The following DCT variants were observed in gnomAD, a reference collection of about 807,000 sequenced individuals.
DCT encodes L-dopachrome tautomerase.
Under a neutral mutation model 53.0 loss-of-function variants are expected in DCT, and 47 were observed. The observed-to-expected ratio is 0.89, with a 90% CI of 0.70 to 1.13. The LOEUF is 1.13. Ranked by LOEUF, DCT falls within the 50% of genes most tolerant of loss-of-function variation. The pLI is 0.00. For synonymous variants in DCT, 244 were observed against 237.0 expected (o/e 1.03, Z -0.27); for missense variants, 669 against 637.4 (o/e 1.05, Z -0.53).
At chr13:94,472,547 TATATATATATATATATATATA>T (rs1340894951) in intron 1 of DCT, among the ~76,000 whole-genome samples, 317 of 29,222 alleles carry the variant, frequency 0.011, 4 homozygotes, top group Middle Eastern at 0.026. Flanking sequence ...TATATATATA[TATATATATATATATATATATA>T]TTTTTTTTTT....
chr13:94,536,142 G>A, the DCT span, among the ~76,000 whole-genome samples: 1 of 152,186 alleles, frequency 6.6e-6, no homozygotes, highest in Non-Finnish European at 1.5e-5. Context: ...GAGACAAAAG[G>A]TTGTGTTCAG....
chr13:94,525,041 T>C, the DCT span, among the ~76,000 whole-genome samples: 1 of 152,030 alleles, frequency 6.6e-6, no homozygotes, highest in South Asian at 2.1e-4. Flanking sequence ...CTGATATAAC[T>C]GAGAAGAAAC....
intron 7 of DCT, among the ~76,000 whole-genome samples, chr13:94,443,132 C>A (rs1317989614): frequency 6.6e-6 from 1 of 152,074 alleles, no homozygotes; most frequent in Non-Finnish European, 1.5e-5. Flanking sequence ...TTTTATTAAT[C>A]CAATAAACTC....
intron 3 of DCT, 121 bp downstream of exon 3, chr13:94,466,437 C>T (rs1884223282): frequency 3.4e-6 from 2 of 584,560 alleles, no homozygotes; most frequent in Non-Finnish European, 6.0e-6. Flanking sequence ...CTTTAGTGCA[C>T]TAATCACTTA....
At chr13:94,461,455 G>A (rs944537079) in intron 5 of DCT, among the ~76,000 whole-genome samples, 7 of 152,048 alleles carry the variant, frequency 4.6e-5, no homozygotes, top group South Asian at 4.1e-4. Flanking sequence ...CAGTCCTCCC[G>A]CACTGGCCTC....
intron 1 of DCT, among the ~76,000 whole-genome samples, chr13:94,469,937 T>C (rs1189620678): frequency 1.3e-5 from 2 of 151,872 alleles, no homozygotes; most frequent in Non-Finnish European, 2.9e-5. Context: ...TAGCGGGGCG[T>C]GGTGGTACAT....
chr13:94,456,796 T>C (rs1032316363), intron 6 of DCT, among the ~76,000 whole-genome samples: 3 of 152,220 alleles, frequency 2.0e-5, no homozygotes, highest in African/African-American at 7.2e-5. Context: ...TAAAACTGAT[T>C]GACTTGTAAT....
At chr13:94,449,858 G>A (rs879006936) in intron 6 of DCT, among the ~76,000 whole-genome samples, 2 of 152,128 alleles carry the variant, frequency 1.3e-5, no homozygotes, top group Admixed American at 6.6e-5. Context: ...CAACACCCAA[G>A]CCTTTATTTA....
the DCT span, among the ~76,000 whole-genome samples, chr13:94,539,783 C>T: frequency 6.4e-4 from 97 of 151,788 alleles, 1 homozygote; most frequent in Admixed American, 1.0e-3. Context: ...GGTTTGAAAG[C>T]TCAGCTCAGG....
chr13:94,536,709 G>A, the DCT span, among the ~76,000 whole-genome samples: 9 of 152,124 alleles, frequency 5.9e-5, no homozygotes, highest in Admixed American at 6.5e-5. Flanking sequence ...TTGGGAGGCC[G>A]AGATGGGTAG....
the DCT span, among the ~76,000 whole-genome samples, chr13:94,544,385 A>C: frequency 6.6e-6 from 1 of 152,182 alleles, no homozygotes; most frequent in Non-Finnish European, 1.5e-5. Context: ...GGTTTGCTCA[A>C]GATGCATTGT....
At chr13:94,501,522 A>G in the DCT span, among the ~76,000 whole-genome samples, 1 of 151,996 alleles carries the variant, frequency 6.6e-6, no homozygotes, top group Non-Finnish European at 1.5e-5. Context: ...AATGTTTATT[A>G]AGCACCTACT....
the DCT span, among the ~76,000 whole-genome samples, chr13:94,514,093 A>G: frequency 0.012 from 1,829 of 151,878 alleles, 42 homozygotes; most frequent in African/African-American, 0.041. Flanking sequence ...TGAGACTAGG[A>G]TCATGGGCTG....
the DCT span, among the ~76,000 whole-genome samples, chr13:94,522,841 G>A: frequency 3.2e-3 from 486 of 152,290 alleles, 2 homozygotes; most frequent in African/African-American, 0.011. Flanking sequence ...TACTGGCACC[G>A]CCAGAACTCA....
the DCT span, among the ~76,000 whole-genome samples, chr13:94,521,343 G>A: frequency 6.6e-6 from 1 of 152,178 alleles, no homozygotes; most frequent in Non-Finnish European, 1.5e-5. Flanking sequence ...TATTTTTAAT[G>A]AGTTTAAAAA....
chr13:94,440,676 G>GTTTTTTTTTTTTTTT (rs761688508), intron 7 of DCT, among the ~76,000 whole-genome samples: 10 of 98,042 alleles, frequency 1.0e-4, no homozygotes, highest in African/African-American at 2.9e-4. Flanking sequence ...TCATTTTTTG[G>GTTTTTTTTTTTTTTT]TTTTTTTTTT....
At chr13:94,477,613 C>T (rs971353346) in intron 1 of DCT, among the ~76,000 whole-genome samples, 5 of 151,852 alleles carry the variant, frequency 3.3e-5, no homozygotes, top group Non-Finnish European at 5.9e-5. Context: ...ATGTCACAAA[C>T]CTGCACTTGT....
the DCT span, among the ~76,000 whole-genome samples, chr13:94,542,909 T>C: frequency 6.6e-6 from 1 of 152,076 alleles, no homozygotes; most frequent in South Asian, 2.1e-4. Flanking sequence ...AGTTTCTCTG[T>C]TCACGGTGGG....
the DCT span, among the ~76,000 whole-genome samples, chr13:94,502,354 C>G: frequency 6.6e-6 from 1 of 152,184 alleles, no homozygotes; most frequent in Non-Finnish European, 1.5e-5. Flanking sequence ...TCTGTTGCCT[C>G]TGCCATTTCC....
Sources: gnomAD v4.1 joint callset for allele counts (sites outside exome capture counted in the v4.1 genomes callset) on GRCh38, gnomAD v4.1.1 for gene constraint, MANE v1.5 for transcripts, NCBI Gene and HGNC (gene_info 2026-07-23, HGNC 2026-07-21) for gene names.